INTS4: variants seen among roughly 807,000 people sequenced by gnomAD.
INTS4 encodes MSTP093.
A neutral mutation model predicts 119.5 loss-of-function variants in INTS4; 70 were observed. The observed-to-expected ratio is 0.59, with a 90% confidence interval of 0.48 to 0.71. The LOEUF (loss-of-function observed/expected upper bound fraction) is 0.71. INTS4 is among the 30% of genes least tolerant of loss of function. The pLI is 0.00. For synonymous variants in INTS4, 316 were observed against 419.6 expected, an observed-to-expected ratio of 0.75 and a Z score of 3.02; for missense variants, 867 against 1,173.2, an observed-to-expected ratio of 0.74 and a Z score of 3.81.
intron 2 of INTS4, among the ~76,000 whole-genome samples, chr11:77,986,773 T>C (rs998438570): frequency 2.9e-5 from 4 of 137,660 alleles, no homozygotes; most frequent in African/African-American, 1.1e-4. Flanking sequence ...CACTCATAGG[T>C]GGGAATTGAA....
Position 77,909,489 on chromosome 11 carries a change from G to A in INTS4, c.1923-1679C>T, listed in dbSNP as rs182099760. On this transcript the variant is annotated intron_variant, in intron 15 of 22. Coordinates refer to ENST00000534064, the MANE Select transcript of INTS4 (RefSeq NM_033547.4). ...TTCATATGGTGGAAGTCACAAACGA[G>A]CTCCCTTAGGCCTCTTTTAAAGGTT... Among the ~76,000 whole-genome samples, 16 of 152,266 alleles carry A rather than the reference G, an allele frequency of 1.1e-4. No individual in the cohort carries two copies. In the East Asian group the frequency reaches 2.9e-3, roughly 28 times the overall value.
downstream of INTS4, chr11:77,878,674 AGC>A: frequency 1.5e-6 from 1 of 665,708 alleles, no homozygotes; most frequent in Non-Finnish European, 2.7e-6. Context: ...TAAAAGCTGA[AGC>A]TATAGCCACA....
chr11:77,896,529 G>A (rs1361494957), intron 18 of INTS4, among the ~76,000 whole-genome samples: 1 of 152,002 alleles, frequency 6.6e-6, no homozygotes, highest in Non-Finnish European at 1.5e-5. Flanking sequence ...GCGCATGCCT[G>A]TAATCCCAGC....
At chr11:77,958,671 G>A in intron 7 of INTS4, 75 bp downstream of exon 7, 2 of 824,494 alleles carry the variant, frequency 2.4e-6, no homozygotes, top group Non-Finnish European at 2.1e-6. Context: ...TTTTCTAGAA[G>A]TGGGCTTTTT....
At chr11:77,963,170 G>A (rs1256387083) in intron 4 of INTS4, among the ~76,000 whole-genome samples, 1 of 151,718 alleles carries the variant, frequency 6.6e-6, no homozygotes, top group East Asian at 1.9e-4. Context: ...TGTCAACCAG[G>A]CAACAATAAT....
intron 10 of INTS4, among the ~76,000 whole-genome samples, chr11:77,936,217 A>G (rs1953787817): frequency 6.6e-6 from 1 of 151,780 alleles, no homozygotes; most frequent in Non-Finnish European, 1.5e-5. Context: ...TGGAATATAT[A>G]ATACTGGAGG....
intron 4 of INTS4, among the ~76,000 whole-genome samples, chr11:77,966,902 C>T (rs1291211467): frequency 2.0e-5 from 3 of 152,110 alleles, no homozygotes; most frequent in African/African-American, 7.2e-5. Context: ...ATTCTTCCAA[C>T]CCATGAATTT....
At chr11:77,916,171 A>G in intron 15 of INTS4, among the ~76,000 whole-genome samples, 1 of 152,226 alleles carries the variant, frequency 6.6e-6, no homozygotes, top group Non-Finnish European at 1.5e-5. Flanking sequence ...ACCCTGAGCA[A>G]TAAACTTGAC....
At chr11:77,924,486 C>T (rs1485069050) in intron 12 of INTS4, 7 of 358,004 alleles carry the variant, frequency 2.0e-5, no homozygotes, top group Middle Eastern at 7.9e-4. Context: ...ACAGCTACCA[C>T]AAGGGTTGGT....
At chr11:77,883,787 C>T in intron 22 of INTS4, 45 bp downstream of exon 22, 1 of 1,602,072 alleles carries the variant, frequency 6.2e-7, no homozygotes, top group Non-Finnish European at 8.5e-7. Context: ...TAGGTGTGAT[C>T]TCCAGCAGCA....
At chr11:77,988,146 T>C (rs1324873214) in intron 2 of INTS4, among the ~76,000 whole-genome samples, 1 of 152,236 alleles carries the variant, frequency 6.6e-6, no homozygotes, top group East Asian at 1.9e-4. Context: ...GTCCCTTCAA[T>C]GTTCCTAGGA....
At chr11:77,936,342 G>C (rs1209456633) in intron 10 of INTS4, among the ~76,000 whole-genome samples, 3 of 152,190 alleles carry the variant, frequency 2.0e-5, no homozygotes, top group Non-Finnish European at 4.4e-5. Flanking sequence ...GAAAGATTAA[G>C]TATGTTAAGA....
intron 8 of INTS4, among the ~76,000 whole-genome samples, chr11:77,951,485 T>C (rs1023817946): frequency 6.6e-6 from 1 of 152,200 alleles, no homozygotes; most frequent in Non-Finnish European, 1.5e-5. Context: ...ACTGGATCCC[T>C]TCCTTACACC....
At chr11:77,878,572 AG>A, downstream of INTS4, 2 of 519,262 alleles carry the variant, frequency 3.9e-6, no homozygotes, top group South Asian at 6.5e-5. Context: ...CGTCACTTTA[AG>A]AAATAAGACT....
At chr11:77,897,407 T>G (rs1046488274) in intron 18 of INTS4, among the ~76,000 whole-genome samples, 7 of 151,442 alleles carry the variant, frequency 4.6e-5, no homozygotes, top group Non-Finnish European at 7.4e-5. Context: ...ATTATGTACT[T>G]ATAACTTTAA....
chr11:77,984,026 C>T (rs1856354907), intron 2 of INTS4, among the ~76,000 whole-genome samples: 1 of 152,040 alleles, frequency 6.6e-6, no homozygotes, highest in Non-Finnish European at 1.5e-5. Flanking sequence ...ATGGTATATA[C>T]ACATAATGGA....
chr11:77,896,790 A>T (rs1952543066), intron 18 of INTS4, among the ~76,000 whole-genome samples: 1 of 152,076 alleles, frequency 6.6e-6, no homozygotes, highest in African/African-American at 2.4e-5. Context: ...GTATAGAAGA[A>T]GTAAAGAAAT....
In INTS4 at chr11:77,902,012, A is replaced by T. The variant is rs542969799; in HGVS notation, c.2098-461T>A. 1.1e-4 allele frequency among the ~76,000 whole-genome samples: 16 copies of T among 152,274 alleles called. No homozygotes were observed. The South Asian group carries it at 3.3e-3, about 32-fold the overall frequency. On this transcript the variant is annotated intron_variant, in intron 17 of 22. Transcript: ENST00000534064. Reference sequence around the variant, plus strand: ...CTGGTCTGAGGGAGTTTGGGACAGAAATAAGTGCAAGAAAACATTTGTCTA... The same window carrying T: ...CTGGTCTGAGGGAGTTTGGGACAGATATAAGTGCAAGAAAACATTTGTCTA...
chr11:77,917,963 G>C (rs1953242733), intron 15 of INTS4: 20 of 669,702 alleles, frequency 3.0e-5, no homozygotes, highest in South Asian at 2.8e-4. Flanking sequence ...TCAATGGAAT[G>C]CAAGTAAAAT....
Sources: gnomAD v4.1 joint callset for allele counts (sites outside exome capture counted in the v4.1 genomes callset) on GRCh38, gnomAD v4.1.1 for gene constraint, MANE v1.5 for transcripts, NCBI Gene and HGNC (gene_info 2026-07-23, HGNC 2026-07-21) for gene names.